NMNAT2: variants seen among roughly 807,000 people sequenced by gnomAD.
NMNAT2 encodes nicotinamide/nicotinic acid mononucleotide adenylyltransferase 2.
NMNAT2 carries 11 observed loss-of-function variants against 41.6 expected under a neutral mutation model. That is an observed-to-expected ratio of 0.26 (90% CI 0.17 to 0.44). NMNAT2 has a LOEUF of 0.44. NMNAT2 is among the 20% of genes least tolerant of loss of function. The pLI is 1.00. For missense variants in NMNAT2, 288 were observed against 407.7 expected (o/e 0.71, Z 2.53); for synonymous variants, 148 against 151.2 (o/e 0.98, Z 0.16).
chr1:183,355,790 G>A (rs1226092373), intron 1 of NMNAT2, among the ~76,000 whole-genome samples: 1 of 152,210 alleles, frequency 6.6e-6, no homozygotes, highest in Non-Finnish European at 1.5e-5. Flanking sequence ...GCCTGTACAG[G>A]TCGTGTTGCT....
chr1:183,345,236 C>T (rs1441131030), intron 1 of NMNAT2, among the ~76,000 whole-genome samples: 1 of 152,074 alleles, frequency 6.6e-6, no homozygotes, highest in African/African-American at 2.4e-5. Flanking sequence ...ACTACCTTCT[C>T]CCCCACTGTG....
intron 1 of NMNAT2, among the ~76,000 whole-genome samples, chr1:183,308,441 C>T (rs1662043220): frequency 6.6e-6 from 1 of 152,202 alleles, no homozygotes; most frequent in African/African-American, 2.4e-5. Flanking sequence ...TGACCTGGCA[C>T]TTCCACCTCC....
chr1:183,353,292 C>G (rs1571615331), intron 1 of NMNAT2, among the ~76,000 whole-genome samples: 1 of 152,164 alleles, frequency 6.6e-6, no homozygotes, highest in Non-Finnish European at 1.5e-5. Context: ...AGGAGTGAGC[C>G]ACTGTGCCCA....
chr1:183,257,333 T>C (rs1190182922), intron 10 of NMNAT2, among the ~76,000 whole-genome samples: 3 of 151,792 alleles, frequency 2.0e-5, no homozygotes, highest in African/African-American at 7.3e-5. Flanking sequence ...CCCAGCTACT[T>C]GGGAGGCTGA....
intron 1 of NMNAT2, among the ~76,000 whole-genome samples, chr1:183,306,394 G>T (rs931769403): frequency 7.2e-5 from 11 of 152,066 alleles, no homozygotes; most frequent in African/African-American, 2.7e-4. Flanking sequence ...ACTTCTATAA[G>T]ATCATAAATT....
chr1:183,280,196 A>G (rs926225242), intron 7 of NMNAT2, among the ~76,000 whole-genome samples: 1 of 152,076 alleles, frequency 6.6e-6, no homozygotes, highest in Non-Finnish European at 1.5e-5. Flanking sequence ...TATTTCTCGG[A>G]TTCTGTTGTT....
chr1:183,348,664 C>A (rs915165113), intron 1 of NMNAT2, among the ~76,000 whole-genome samples: 1 of 152,194 alleles, frequency 6.6e-6, no homozygotes, highest in Non-Finnish European at 1.5e-5. Context: ...CAATAAGGGG[C>A]ATTTCAAGTA....
intron 7 of NMNAT2, 115 bp downstream of exon 7, chr1:183,283,880 C>G (rs772613616): frequency 1.2e-5 from 12 of 966,696 alleles, no homozygotes; most frequent in Non-Finnish European, 1.2e-5. Flanking sequence ...CGAGAGGAGA[C>G]CCTGCTGCAA....
intron 1 of NMNAT2, 81 bp from the exon 2 acceptor site, chr1:183,293,874 T>TGGGGTATTTCCCAG: frequency 1.1e-6 from 1 of 943,746 alleles, no homozygotes; most frequent in African/African-American, 1.6e-5. Flanking sequence ...TACGCTCAGC[T>TGGGGTATTTCCCAG]CTGTAATGCT....
intron 1 of NMNAT2, among the ~76,000 whole-genome samples, chr1:183,332,091 G>A (rs954310302): frequency 6.6e-6 from 1 of 152,148 alleles, no homozygotes; most frequent in Non-Finnish European, 1.5e-5. Context: ...CCTCCATGTT[G>A]CACACTTTTG....
chr1:183,253,329 T>A (rs1227202436), intron 10 of NMNAT2, among the ~76,000 whole-genome samples: 1 of 148,256 alleles, frequency 6.7e-6, no homozygotes, highest in Non-Finnish European at 1.5e-5. Context: ...TATATAAGTG[T>A]TAATATTATA....
Position 183,327,635 on chromosome 1 carries a change from T to G in NMNAT2, c.86-33842A>C, listed in dbSNP as rs184731702. Among the ~76,000 whole-genome samples, 17 of 151,870 alleles carry G rather than the reference T, an allele frequency of 1.1e-4. No homozygotes were observed. The East Asian group carries it at 3.3e-3, about 29-fold the overall frequency. On this transcript the variant is annotated intron_variant, in intron 1 of 10. Coordinates refer to ENST00000287713, the MANE Select transcript of NMNAT2 (RefSeq NM_015039.4). ...TTTCCAACGGAGTGGTGGGTAGGGG[T>G]GAGTGGTTGAAGAAGAGCAGGGATG...
chr1:183,340,993 G>A (rs1348878824), intron 1 of NMNAT2, among the ~76,000 whole-genome samples: 1 of 152,218 alleles, frequency 6.6e-6, no homozygotes, highest in African/African-American at 2.4e-5. Flanking sequence ...GTGAGAGGAG[G>A]CAACACCCGT....
At chr1:183,304,558 C>G in intron 1 of NMNAT2, 1 of 999,744 alleles carries the variant, frequency 1.0e-6, no homozygotes, top group Non-Finnish European at 1.5e-6. Flanking sequence ...CAGAGCAGCC[C>G]TGCAAACCTT....
At chr1:183,277,522 A>G (rs1661152349) in intron 8 of NMNAT2, among the ~76,000 whole-genome samples, 1 of 151,456 alleles carries the variant, frequency 6.6e-6, no homozygotes, top group Non-Finnish European at 1.5e-5. Context: ...CAAAAAAAAA[A>G]AAAAAAAAAA....
intron 1 of NMNAT2, among the ~76,000 whole-genome samples, chr1:183,396,033 TC>T (rs1648629405): frequency 6.6e-6 from 1 of 152,198 alleles, no homozygotes; most frequent in Non-Finnish European, 1.5e-5. Flanking sequence ...TCCATGGGTC[TC>T]TTTGGTGGCC....
intron 8 of NMNAT2, chr1:183,267,192 C>T (rs1013622605): frequency 6.6e-6 from 1 of 152,196 alleles, no homozygotes; most frequent in Admixed American, 6.6e-5. Flanking sequence ...GGTAGTGGCT[C>T]TGGAAAAACC....
intron 1 of NMNAT2, among the ~76,000 whole-genome samples, chr1:183,367,879 A>G (rs1342885900): frequency 6.6e-6 from 1 of 152,194 alleles, no homozygotes; most frequent in Non-Finnish European, 1.5e-5. Context: ...ACCATTTTAG[A>G]TACCAGAGGT....
At chr1:183,382,974 C>T (rs989263435) in intron 1 of NMNAT2, among the ~76,000 whole-genome samples, 1 of 152,230 alleles carries the variant, frequency 6.6e-6, no homozygotes, top group Non-Finnish European at 1.5e-5. Context: ...TTTTCCCCTC[C>T]ACATTGCCCT....
Sources: gnomAD v4.1 joint callset for allele counts (sites outside exome capture counted in the v4.1 genomes callset) on GRCh38, gnomAD v4.1.1 for gene constraint, MANE v1.5 for transcripts, NCBI Gene and HGNC (gene_info 2026-07-23, HGNC 2026-07-21) for gene names.